Variants in TMEM41A observed in about 807,000 individuals in gnomAD.
TMEM41A encodes the protein transmembrane protein 41A.
Under a neutral mutation model 25.7 loss-of-function variants are expected in TMEM41A, and 20 were observed. The ratio of observed to expected loss-of-function variants is 0.78; its 90% CI spans 0.55 to 1.13. The LOEUF (loss-of-function observed/expected upper bound fraction) is 1.13, where lower values mean the gene tolerates loss of function less well. Ranked by LOEUF, TMEM41A falls within the 50% of genes most tolerant of loss-of-function variation. The probability of loss-of-function intolerance (pLI) is 0.00; values close to 1 mark genes in which losing one functional copy is unlikely to be tolerated. For synonymous variants in TMEM41A, 133 were observed against 139.6 expected (o/e 0.95, Z 0.33); for missense variants, 299 against 314.3 (o/e 0.95, Z 0.37).
At chr3:185,495,996 C>A (rs757799329) in intron 2 of TMEM41A, 7 of 153,528 alleles carry the variant, frequency 4.6e-5, no homozygotes, top group Non-Finnish European at 8.8e-5. Flanking sequence ...TAAGACCACA[C>A]AAGCTATGTA....
chr3:185,491,872 C>T, intron 4 of TMEM41A, 115 bp from the exon 5 acceptor site: 3 of 688,686 alleles, frequency 4.4e-6, no homozygotes, highest in South Asian at 2.0e-5. Context: ...TGACTCTTGA[C>T]CCTTATACAT....
Position 185,491,714 on chromosome 3 carries a change from G to A in TMEM41A, c.618C>T (p.Ile206=). The change falls in exon 5 of 5, where the codon ATC becomes ATT. Residue 206 remains isoleucine, a synonymous_variant. Coordinates refer to ENST00000421852, the MANE Select transcript of TMEM41A (RefSeq NM_080652.4). ...CATCCAGAGAGGTTAGGGTTGACAG[G>A]ATGGACCCTGTCTGCACACAGATGA... The part of the protein sequence containing the change: ...YNFICVQTGS[I]LSTLTSLDAL... 1 of 1,614,170 alleles carries A rather than the reference G, an allele frequency of 6.2e-7. No homozygotes were observed. Among genetic ancestry groups the A allele is most frequent in the Non-Finnish European group, 8.5e-7 (1 of 1,180,030 alleles).
At chr3:185,496,800 A>G in intron 2 of TMEM41A, 28 bp downstream of exon 2, 1 of 1,592,894 alleles carries the variant, frequency 6.3e-7, no homozygotes, top group Non-Finnish European at 8.5e-7. Flanking sequence ...ATAAGGAAAC[A>G]GGGTTGGAGG....
At position 185,494,413 on chromosome 3, in the gene TMEM41A, A is replaced by C. The variant is rs1220665868; in HGVS notation, c.574+210T>G. 7.3e-5 allele frequency: 38 copies of C among 521,444 alleles called. No homozygotes were observed. In the East Asian group the frequency reaches 8.2e-4, roughly 11 times the overall value. 32.3% of individuals were successfully genotyped at this position (521,444 alleles called of 1,614,324 possible). A position where few individuals can be genotyped will look rare whatever the true frequency, so the allele number is the denominator to read the frequency against. On this transcript the variant is annotated intron_variant, in intron 4 of 4. Transcript: ENST00000421852. ...TACAGCCATGCAATGGACAATCTTT[A>C]TTTAGTCCAAAAGTATTTTTATGGG...
intron 2 of TMEM41A, 21 bp downstream of exon 2, chr3:185,496,807 G>A (rs1267357456): frequency 1.3e-6 from 2 of 1,597,764 alleles, no homozygotes; most frequent in Non-Finnish European, 8.5e-7. Flanking sequence ...AACAGGGTTG[G>A]AGGGAGGGCA....
chr3:185,491,474 G>A lies in TMEM41A; in HGVS notation c.*63C>T, dbSNP rs1718949723. ...ATCAAAAACAATGAGGGGCTTTAGA[G>A]GACCACATCCATTACACAAATAAGC... On this transcript the variant is annotated 3_prime_UTR_variant, in exon 5 of 5. Coordinates refer to ENST00000421852, the MANE Select transcript of TMEM41A (RefSeq NM_080652.4). 2 of 1,346,832 alleles carry A rather than the reference G, an allele frequency of 1.5e-6. No individual in the cohort carries two copies. The highest frequency in any genetic ancestry group is 2.1e-6 in the Non-Finnish European group (2 of 950,218). 83.4% of individuals were successfully genotyped at this position (1,346,832 alleles called of 1,614,324 possible). A position where few individuals can be genotyped will look rare whatever the true frequency, so the allele number is the denominator to read the frequency against.
At position 185,499,027 on chromosome 3, in the gene TMEM41A, G is replaced by T; in HGVS notation, c.-66C>A. 3.5e-6 allele frequency: 5 copies of T among 1,418,988 alleles called. No homozygotes were observed. The African/African-American group carries it at 4.3e-5, about 12-fold the overall frequency. The allele number at this position is 1,418,988 out of a possible 1,614,324, so 87.9% of individuals were successfully genotyped here. A position where few individuals can be genotyped will look rare whatever the true frequency, so the allele number is the denominator to read the frequency against. ...CACTTGCACTCCGGGACGCAGCGGC[G>T]GGCGGACTGAGCCCGCGGAGCACGT... On this transcript the variant is annotated 5_prime_UTR_variant, in exon 1 of 5. Coordinates refer to ENST00000421852, the MANE Select transcript of TMEM41A (RefSeq NM_080652.4).
At position 185,491,515 on chromosome 3, in the gene TMEM41A, T is replaced by C. The variant is rs73885725; in HGVS notation, c.*22A>G. 9.9e-4 allele frequency: 1,575 copies of C among 1,594,898 alleles called. 15 individuals are homozygous for C. In the African/African-American group the frequency reaches 0.019, roughly 19 times the overall value. On this transcript the variant is annotated 3_prime_UTR_variant, in exon 5 of 5. Coordinates refer to ENST00000421852, the MANE Select transcript of TMEM41A (RefSeq NM_080652.4). ...ACAAATAAGCAACTGAGTCCAGGGATGTGGCAAACAGAAAATCCAGATCAT... is the reference window on the plus strand; with the variant it reads ...ACAAATAAGCAACTGAGTCCAGGGACGTGGCAAACAGAAAATCCAGATCAT...
chr3:185,492,754 T>C (rs1718994975), intron 4 of TMEM41A: 1 of 152,188 alleles, frequency 6.6e-6, no homozygotes, highest in Non-Finnish European at 1.5e-5. Flanking sequence ...ACTCTGATAG[T>C]CCATTTCTCT....
rs397822983 is a variant in TMEM41A at position 185,491,012 on chromosome 3, T to TC, written c.*524_*525insG. 1 of 150,090 alleles carries TC rather than the reference T, an allele frequency of 6.7e-6. No individual in the cohort carries two copies. Among genetic ancestry groups the TC allele is most frequent in the African/African-American group, 2.5e-5 (1 of 40,630 alleles). The allele number at this position is 150,090 out of a possible 1,614,324, so 9.3% of individuals were successfully genotyped here. A position where few individuals can be genotyped will look rare whatever the true frequency, so the allele number is the denominator to read the frequency against. On this transcript the variant is annotated 3_prime_UTR_variant, in exon 5 of 5. Transcript: ENST00000421852. Reference sequence around the variant, plus strand: ...TTTTTTCTCTTTTTTTTTTTTTTTTTGTCAAGACAGTGTCTCACTCTATCA... The same window carrying TC: ...TTTTTTCTCTTTTTTTTTTTTTTTTTCGTCAAGACAGTGTCTCACTCTATCA...
chr3:185,498,904 A>T lies in TMEM41A; in HGVS notation c.58T>A (p.Leu20Met). 6.2e-7 allele frequency: 1 copy of T among 1,606,338 alleles called. No individual in the cohort carries two copies. The highest frequency in any genetic ancestry group is 8.5e-7 in the Non-Finnish European group (1 of 1,177,184). The change falls in exon 1 of 5, where the codon TTG becomes ATG. Residue 20 changes from leucine (L) to methionine (M), a missense_variant. Leu to Met is a conservative substitution (Grantham distance 15). Coordinates refer to ENST00000421852, the MANE Select transcript of TMEM41A (RefSeq NM_080652.4). ...CCGCGGGGCAGTCGCGTCGACAGCA[A>T]GTACAAGGCGAAGGTGCAGCCGGCG... The part of the protein sequence containing the change: ...VFAGCTFALY[L>M]LSTRLPRGRR...
intron 3 of TMEM41A, 139 bp downstream of exon 3, chr3:185,495,015 G>A: frequency 9.1e-7 from 1 of 1,095,650 alleles, no homozygotes; most frequent in Non-Finnish European, 1.3e-6. Context: ...GTCTCCTGAA[G>A]ACATCAAAAG....
rs1446231315 is a variant in TMEM41A, at chr3:185,498,929, G to C, written c.33C>G (p.Phe11Leu). Reference protein sequence around the residue: MRPLLGLLLVFAGCTFALYLL... With the variant: MRPLLGLLLVLAGCTFALYLL... Reference sequence around the variant, plus strand: ...AGTACAAGGCGAAGGTGCAGCCGGCGAAGACCAGAAGGAGGCCGAGAAGCG... The same window carrying C: ...AGTACAAGGCGAAGGTGCAGCCGGCCAAGACCAGAAGGAGGCCGAGAAGCG... The change falls in exon 1 of 5, where the codon TTC becomes TTG. Residue 11 changes from phenylalanine (F) to leucine (L), a missense_variant. Coordinates refer to ENST00000421852, the MANE Select transcript of TMEM41A (RefSeq NM_080652.4). The C allele has an allele frequency of 1.2e-6, 2 of 1,604,428 alleles. No homozygotes were observed. The highest frequency in any genetic ancestry group is 2.2e-5 in the South Asian group (2 of 89,322).
Position 185,497,047 on chromosome 3 carries a change from C to T in TMEM41A, c.120-66G>A, listed in dbSNP as rs900238378. ...CAGTCCAGTGCCCATGAAAGTCACT[C>T]GCTGTGTCTTCTTTTCAGAGTAGGT... On this transcript the variant is annotated intron_variant, in intron 1 of 4. Transcript: ENST00000421852. 4.7e-5 allele frequency: 71 copies of T among 1,518,722 alleles called. No homozygotes were observed. In the Middle Eastern group the frequency reaches 1.4e-3, roughly 30 times the overall value. The allele number at this position is 1,518,722 out of a possible 1,614,324, so 94.1% of individuals were successfully genotyped here.
At chr3:185,494,899 G>A (rs1719057216) in intron 3 of TMEM41A, 138 bp from the exon 4 acceptor site, 2 of 1,149,952 alleles carry the variant, frequency 1.7e-6, no homozygotes, top group African/African-American at 1.6e-5. Context: ...GGGAAAGACT[G>A]TTTTCCTCAT....
chr3:185,498,633 A>C, intron 1 of TMEM41A: 1 of 536,682 alleles, frequency 1.9e-6, no homozygotes, highest in Non-Finnish European at 3.3e-6. Context: ...GGTCCCAGTC[A>C]GGCCCGGAGC....
At chr3:185,497,461 C>T (rs1719136245) in intron 1 of TMEM41A, among the ~76,000 whole-genome samples, 1 of 152,202 alleles carries the variant, frequency 6.6e-6, no homozygotes, top group South Asian at 2.1e-4. Context: ...CCAAGTAAAA[C>T]GACTTTTTAG....
chr3:185,494,489 A>G, intron 4 of TMEM41A, 134 bp downstream of exon 4: 4 of 1,023,080 alleles, frequency 3.9e-6, no homozygotes, highest in Non-Finnish European at 5.5e-6. Flanking sequence ...ATTTCTTTAG[A>G]TCATAAGGCT....
At chr3:185,497,942 C>T (rs902536967) in intron 1 of TMEM41A, among the ~76,000 whole-genome samples, 4 of 152,174 alleles carry the variant, frequency 2.6e-5, no homozygotes, top group African/African-American at 9.7e-5. Flanking sequence ...TGCCTCCTGC[C>T]TCGACCAGTC....
Sources: gnomAD v4.1 joint callset for allele counts (sites outside exome capture counted in the v4.1 genomes callset) on GRCh38, gnomAD v4.1.1 for gene constraint, MANE v1.5 for transcripts, NCBI Gene and HGNC (gene_info 2026-07-23, HGNC 2026-07-21) for gene names.